The following GAGE10 variants were observed in gnomAD, a reference collection of about 807,000 sequenced individuals.
GAGE10 encodes G antigen 10.
In GAGE10, 9 loss-of-function variants were observed where a neutral mutation model predicts 11.5. That is an observed-to-expected ratio of 0.78 (90% CI 0.47 to 1.37). The LOEUF is 1.37. Ranked by LOEUF, GAGE10 falls within the 40% of genes most tolerant of loss-of-function variation. The pLI is 0.00. For synonymous variants in GAGE10, 23 were observed against 29.7 expected, an observed-to-expected ratio of 0.77 and a Z score of 0.73; for missense variants, 83 against 92.9, an observed-to-expected ratio of 0.89 and a Z score of 0.44.
chrX:49,309,030 G>C (rs1215926376), intron 3 of GAGE10, among the ~76,000 whole-genome samples: 1 of 112,354 alleles, frequency 8.9e-6, no homozygotes, highest in African/African-American at 3.2e-5. Flanking sequence ...TCTGAGGCAA[G>C]TGCGGGGGAA....
intron 3 of GAGE10, among the ~76,000 whole-genome samples, chrX:49,307,272 T>C (rs782108350): frequency 1.8e-5 from 2 of 111,808 alleles, no homozygotes; most frequent in Non-Finnish European, 3.8e-5. Flanking sequence ...TAATGCTGAA[T>C]TGTTTCGATA....
chrX:49,312,234 C>CA (rs782437202), intron 3 of GAGE10, among the ~76,000 whole-genome samples: 9 of 112,156 alleles, frequency 8.0e-5, no homozygotes, highest in Non-Finnish European at 1.5e-4. Flanking sequence ...AGTAGTGACC[C>CA]AATACTCGGT....
chrX:49,313,950 T>C (rs1344371602), intron 3 of GAGE10, among the ~76,000 whole-genome samples: 5 of 112,029 alleles, frequency 4.5e-5, no homozygotes, highest in African/African-American at 1.6e-4. Context: ...GACTAGTCTA[T>C]GCATGGCCGA....
chrX:49,317,451 G>A (rs1375013231), intron 4 of GAGE10, among the ~76,000 whole-genome samples, 163 bp downstream of exon 4: 6 of 111,740 alleles, frequency 5.4e-5, no homozygotes, highest in African/African-American at 2.0e-4. Flanking sequence ...GGGTTCAAGT[G>A]ATTCTCCTGT....
intron 3 of GAGE10, among the ~76,000 whole-genome samples, chrX:49,313,884 A>G (rs1557124962): frequency 8.9e-6 from 1 of 111,984 alleles, no homozygotes; most frequent in East Asian, 2.8e-4. Flanking sequence ...GTCAGTCTAC[A>G]TATGGCTGAA....
intron 3 of GAGE10, among the ~76,000 whole-genome samples, chrX:49,315,443 T>C (rs1557125121): frequency 8.9e-6 from 1 of 111,813 alleles, no homozygotes. Flanking sequence ...GGATGGGTCA[T>C]GGGGATATCA....
At chrX:49,313,360 C>T (rs1284360947) in intron 3 of GAGE10, among the ~76,000 whole-genome samples, 1 of 112,244 alleles carries the variant, frequency 8.9e-6, no homozygotes, top group East Asian at 2.8e-4. Context: ...GCCCATGGTC[C>T]TCCTCCAGGT....
chrX:49,306,492 G>A, intron 3 of GAGE10, among the ~76,000 whole-genome samples: 1 of 111,653 alleles, frequency 9.0e-6, no homozygotes, highest in South Asian at 3.8e-4. Context: ...ATAAGTAATG[G>A]GTGTCATGAC....
intron 3 of GAGE10, among the ~76,000 whole-genome samples, chrX:49,306,116 G>A (rs781986936): frequency 1.8e-5 from 2 of 111,983 alleles, no homozygotes; most frequent in South Asian, 7.4e-4. Context: ...GCTTTTAGGA[G>A]GTGATTAAAT....
intron 4 of GAGE10, among the ~76,000 whole-genome samples, chrX:49,317,516 T>G (rs2066398178): frequency 1.8e-5 from 2 of 111,193 alleles, no homozygotes; most frequent in African/African-American, 6.5e-5. Context: ...CCCAGCTAAT[T>G]TTTGTATTTT....
At chrX:49,314,908 T>TA (rs2066386394) in intron 3 of GAGE10, among the ~76,000 whole-genome samples, 1 of 112,183 alleles carries the variant, frequency 8.9e-6, no homozygotes, top group African/African-American at 3.2e-5. Context: ...GTTTGGTTGT[T>TA]AAAAACCTCC....
At chrX:49,315,335 A>T (rs1401154326) in intron 3 of GAGE10, among the ~76,000 whole-genome samples, 3 of 112,217 alleles carry the variant, frequency 2.7e-5, no homozygotes, top group African/African-American at 9.7e-5. Flanking sequence ...AAAAATAGAC[A>T]CAAATGTCAA....
intron 3 of GAGE10, among the ~76,000 whole-genome samples, chrX:49,306,588 A>G (rs112088965): frequency 3.6e-5 from 4 of 112,039 alleles, no homozygotes; most frequent in African/African-American, 1.3e-4. Flanking sequence ...AATCCTATCC[A>G]TGTGGTAGAC....
intron 3 of GAGE10, among the ~76,000 whole-genome samples, chrX:49,310,754 GCCCCCC>G (rs782521648): frequency 9.3e-6 from 1 of 107,438 alleles, no homozygotes; most frequent in African/African-American, 3.5e-5. Flanking sequence ...CACCCGATTA[GCCCCCC>G]CCCACAAAGA....
chrX:49,305,040 C>T, intron 2 of GAGE10, 100 bp downstream of exon 2: 1 of 1,043,447 alleles, frequency 9.6e-7, no homozygotes. Context: ...AAGGTCTTTC[C>T]TGCTCATAAA....
In GAGE10 at chrX:49,305,491, G is replaced by A. The variant is rs5906772; in HGVS notation, c.169G>A (p.Glu57Lys). The change falls in exon 3 of 5, where the codon GAG (glutamate) becomes AAG (lysine). Residue 57 changes from glutamate (E) to lysine (K), a missense_variant. Physicochemically the swap from Glu to Lys is moderately conservative, Grantham distance 56. Coordinates refer to ENST00000407599, the MANE Select transcript of GAGE10 (RefSeq NM_001098413.4). ...TQRQDPAAAQ[E>K]GEDEGASAGQ... ...ACGTCAGGATCCTGCAGCTGCTCAG[G>A]AGGGAGAGGATGAGGGAGCATCTGC... 6.7e-6 allele frequency: 8 copies of A among 1,188,638 alleles called. No homozygotes were observed. The Admixed American group carries it at 1.4e-4, about 20-fold the overall frequency.
At chrX:49,317,051 T>C in intron 3 of GAGE10, 112 bp from the exon 4 acceptor site, 1 of 918,668 alleles carries the variant, frequency 1.1e-6, no homozygotes. Context: ...AACATATTTA[T>C]TATTATACTA....
At chrX:49,310,323 AATTT>A (rs1278727222) in intron 3 of GAGE10, among the ~76,000 whole-genome samples, 1 of 111,793 alleles carries the variant, frequency 8.9e-6, no homozygotes. Context: ...AAGAAAGGCT[AATTT>A]ACTAGCAGCA....
rs782057432 is a variant in GAGE10 at position 49,305,294 on chromosome X, T to G, written c.82-110T>G. The G allele has an allele frequency of 1.4e-5, 14 of 1,024,050 alleles. No homozygotes were observed. The Admixed American group carries it at 3.9e-4, about 29-fold the overall frequency. 84.4% of individuals were successfully genotyped at this position (1,024,050 alleles called of 1,213,427 possible). A position where few individuals can be genotyped will look rare whatever the true frequency, so the allele number is the denominator to read the frequency against. On this transcript the variant is annotated intron_variant, in intron 2 of 4. Coordinates refer to ENST00000407599, the MANE Select transcript of GAGE10 (RefSeq NM_001098413.4). ...TAGAGCATAGAGTTGGAGAAATGTC[T>G]TTAGGCTTAGTTAGGACCAGAAATA...
Sources: gnomAD v4.1 joint callset for allele counts (sites outside exome capture counted in the v4.1 genomes callset) on GRCh38, gnomAD v4.1.1 for gene constraint, MANE v1.5 for transcripts, NCBI Gene and HGNC (gene_info 2026-07-23, HGNC 2026-07-21) for gene names.